Variants in DNAH6 observed in about 807,000 individuals in gnomAD.
The protein encoded by DNAH6 is dynein axonemal heavy chain 6.
In DNAH6, 340 loss-of-function variants were observed where a neutral mutation model predicts 491.4. The ratio of observed to expected loss-of-function variants is 0.69; its 90% CI spans 0.63 to 0.76. The LOEUF (loss-of-function observed/expected upper bound fraction) is 0.76. Among genes scored for constraint, DNAH6 ranks in the 30% least tolerant of loss-of-function variants. The probability of loss-of-function intolerance (pLI) is 0.00; values close to 1 mark genes in which losing one functional copy is unlikely to be tolerated. For missense variants in DNAH6, 4,443 were observed against 4,972.2 expected (o/e 0.89, Z 3.20); for synonymous variants, 1,603 against 1,686.1 (o/e 0.95, Z 1.21).
chr2:84,719,923 C>G (rs1697940647), intron 59 of DNAH6, among the ~76,000 whole-genome samples: 1 of 151,912 alleles, frequency 6.6e-6, no homozygotes, highest in Non-Finnish European at 1.5e-5. Context: ...AACACACACA[C>G]CTTCCCATCC....
intron 70 of DNAH6, among the ~76,000 whole-genome samples, chr2:84,804,951 C>T (rs1679273650): frequency 6.6e-6 from 1 of 151,978 alleles, no homozygotes; most frequent in African/African-American, 2.4e-5. Context: ...GTAACTAGGA[C>T]CACAGGTATA....
chr2:84,569,088 C>T (rs907063421), intron 11 of DNAH6, among the ~76,000 whole-genome samples: 7 of 152,158 alleles, frequency 4.6e-5, no homozygotes, highest in African/African-American at 1.7e-4. Flanking sequence ...TTACTTACTG[C>T]AGCATTGTTT....
intron 64 of DNAH6, among the ~76,000 whole-genome samples, chr2:84,771,698 A>G (rs2105178458): frequency 6.6e-6 from 1 of 152,272 alleles, no homozygotes; most frequent in Middle Eastern, 3.4e-3. Flanking sequence ...GGAAAGAGGG[A>G]CTGTTAACCA....
intron 33 of DNAH6, among the ~76,000 whole-genome samples, chr2:84,652,429 T>C (rs1690539280): frequency 2.0e-5 from 3 of 152,098 alleles, no homozygotes; most frequent in African/African-American, 7.2e-5. Flanking sequence ...TCTTACTTAT[T>C]GATTTATAGA....
the DNAH6 span, among the ~76,000 whole-genome samples, chr2:84,464,893 A>G: frequency 6.6e-6 from 1 of 152,146 alleles, no homozygotes; most frequent in Admixed American, 6.5e-5. Flanking sequence ...GCAGCACAGT[A>G]GGATTCAGCC....
intron 62 of DNAH6, among the ~76,000 whole-genome samples, chr2:84,736,305 T>A (rs541215908): frequency 2.8e-4 from 42 of 152,290 alleles, no homozygotes; most frequent in Middle Eastern, 3.4e-3. Flanking sequence ...CCTTTTTTAC[T>A]AGGATTGCCT....
chr2:84,541,667 C>T (rs1464663301), intron 4 of DNAH6, among the ~76,000 whole-genome samples: 1 of 152,168 alleles, frequency 6.6e-6, no homozygotes, highest in Non-Finnish European at 1.5e-5. Context: ...TGAGGTGAAA[C>T]CTCTCCATCT....
At chr2:84,816,374 G>A (rs112290013) in intron 76 of DNAH6, among the ~76,000 whole-genome samples, 2 of 152,088 alleles carry the variant, frequency 1.3e-5, no homozygotes, top group Admixed American at 6.5e-5. Flanking sequence ...GAATAGACAC[G>A]AAAATCTCTT....
chr2:84,539,989 C>A (rs1678084475), intron 4 of DNAH6, among the ~76,000 whole-genome samples: 1 of 152,118 alleles, frequency 6.6e-6, no homozygotes, highest in Non-Finnish European at 1.5e-5. Flanking sequence ...TATTTCTTCC[C>A]AAGCACTTGC....
At chr2:84,534,461 C>A (rs10496312) in intron 4 of DNAH6, among the ~76,000 whole-genome samples, 3,595 of 152,248 alleles carry the variant, frequency 0.024, 57 homozygotes, top group Middle Eastern at 0.092. Flanking sequence ...GTTGAACCAT[C>A]CCACTGAGTT....
Position 84,803,296 on chromosome 2 carries a change from A to G in DNAH6, c.11482-2369A>G, listed in dbSNP as rs1313824893. The stretch of plus-strand genomic sequence containing the variant: ...GGGAACAATAGACCCTGGGGACTCC[A>G]AAAGGGGGGAAAAGGAAGGAAGAAA... On this transcript the variant is annotated intron_variant, in intron 70 of 76. Coordinates refer to ENST00000389394, the MANE Select transcript of DNAH6 (RefSeq NM_001370.2). Among the ~76,000 whole-genome samples the G allele has an allele frequency of 3.9e-5, 6 of 152,180 alleles. No homozygotes were observed. The East Asian group carries it at 5.8e-4, about 15-fold the overall frequency.
intron 4 of DNAH6, among the ~76,000 whole-genome samples, chr2:84,541,066 A>G (rs903296834): frequency 6.6e-6 from 1 of 152,202 alleles, no homozygotes; most frequent in Non-Finnish European, 1.5e-5. Context: ...CTCCTCAAAG[A>G]AAGGCCTTAG....
intron 64 of DNAH6, among the ~76,000 whole-genome samples, chr2:84,776,095 A>T (rs1227118675): frequency 6.6e-6 from 1 of 152,202 alleles, no homozygotes; most frequent in African/African-American, 2.4e-5. Flanking sequence ...CACTATTGAC[A>T]TATATAGATC....
intron 14 of DNAH6, among the ~76,000 whole-genome samples, chr2:84,582,291 G>A (rs1683106986): frequency 6.6e-6 from 1 of 152,128 alleles, no homozygotes; most frequent in Admixed American, 6.6e-5. Context: ...TAGAACCGTG[G>A]TTCTCAAAGG....
chr2:84,471,736 A>C, the DNAH6 span, among the ~76,000 whole-genome samples: 1 of 152,214 alleles, frequency 6.6e-6, no homozygotes, highest in African/African-American at 2.4e-5. Context: ...AAACACAAGC[A>C]TACCCTTACC....
chr2:84,645,554 T>C (rs2104525327), intron 33 of DNAH6, among the ~76,000 whole-genome samples: 1 of 152,360 alleles, frequency 6.6e-6, no homozygotes, highest in South Asian at 2.1e-4. Flanking sequence ...ATGTGGTGTC[T>C]TCTTTAGAGA....
intron 11 of DNAH6, among the ~76,000 whole-genome samples, chr2:84,564,586 T>C (rs1410319230): frequency 3.9e-5 from 6 of 152,194 alleles, no homozygotes; most frequent in Admixed American, 3.9e-4. Context: ...AGGGGCCTTT[T>C]GGCAGAGTCT....
At chr2:84,631,574 G>A (rs1432954779) in intron 29 of DNAH6, among the ~76,000 whole-genome samples, 2 of 152,150 alleles carry the variant, frequency 1.3e-5, no homozygotes, top group Non-Finnish European at 2.9e-5. Flanking sequence ...TGTAAGAAGA[G>A]AAAAATGTAG....
chr2:84,734,615 C>A (rs532887842), intron 62 of DNAH6, among the ~76,000 whole-genome samples: 1 of 152,090 alleles, frequency 6.6e-6, no homozygotes, highest in Admixed American at 6.6e-5. Context: ...ATGCAAGGTT[C>A]CATATGTGAC....
Sources: gnomAD v4.1 joint callset for allele counts (sites outside exome capture counted in the v4.1 genomes callset) on GRCh38, gnomAD v4.1.1 for gene constraint, MANE v1.5 for transcripts, NCBI Gene and HGNC (gene_info 2026-07-23, HGNC 2026-07-21) for gene names.